Variants in GPR158 observed in about 807,000 individuals in gnomAD.
GPR158 encodes the protein metabotropic glycine receptor.
In GPR158, 30 loss-of-function variants were observed where a neutral mutation model predicts 78.2. The ratio of observed to expected loss-of-function variants is 0.38; its 90% CI spans 0.29 to 0.52. GPR158 has a LOEUF of 0.52. Among genes scored for constraint, GPR158 ranks in the 20% least tolerant of loss-of-function variants. The pLI, the probability that GPR158 is intolerant of heterozygous loss-of-function variation, is 0.83. For synonymous variants in GPR158, 581 were observed against 591.1 expected (o/e 0.98, Z 0.25); for missense variants, 1,463 against 1,523.5 (o/e 0.96, Z 0.66).
chr10:25,336,478 C>T (rs575862271), intron 2 of GPR158, among the ~76,000 whole-genome samples: 13 of 152,000 alleles, frequency 8.6e-5, no homozygotes, highest in African/African-American at 2.9e-4. Context: ...TATCTACTTT[C>T]CCCCCAGTGC....
intron 5 of GPR158, among the ~76,000 whole-genome samples, chr10:25,503,456 T>A (rs549723698): frequency 6.6e-6 from 1 of 152,276 alleles, no homozygotes; most frequent in Admixed American, 6.5e-5. Context: ...CTTTGCCTTG[T>A]AACAGATTCT....
chr10:25,348,953 A>G (rs1471697556), intron 2 of GPR158, among the ~76,000 whole-genome samples: 2 of 151,916 alleles, frequency 1.3e-5, no homozygotes, highest in Non-Finnish European at 2.9e-5. Context: ...TTATTATTTC[A>G]CCATTCATAA....
intron 4 of GPR158, among the ~76,000 whole-genome samples, chr10:25,438,792 T>G (rs1835031547): frequency 6.6e-6 from 1 of 152,238 alleles, no homozygotes; most frequent in African/African-American, 2.4e-5. Flanking sequence ...CCAATCCTAG[T>G]TAAAACTGAA....
rs776105443 is a variant in GPR158, at chr10:25,433,690, C to CTTTTTTT, written c.1335+21220_1335+21221insTTTTTTT. On this transcript the variant is annotated intron_variant, in intron 4 of 10. Transcript: ENST00000376351. ...GGCATTTTCCTTTCTTTCTTTCTTT[C>CTTTTTTT]TTTCTTTTTTTTTTTTTTTTTGGTA... Among the ~76,000 whole-genome samples the CTTTTTTT allele has an allele frequency of 3.0e-3, 281 of 93,054 alleles. 2 individuals carry two copies. The highest frequency in any genetic ancestry group is 8.6e-3 in the Middle Eastern group (1 of 116). 61.0% of individuals were successfully genotyped at this position (93,054 alleles called of 152,430 possible).
intron 2 of GPR158, among the ~76,000 whole-genome samples, chr10:25,287,617 C>G (rs1854371296): frequency 6.6e-6 from 1 of 152,100 alleles, no homozygotes; most frequent in Non-Finnish European, 1.5e-5. Context: ...TAACCTTTAC[C>G]AATTTACTTA....
At chr10:25,214,120 G>A (rs927743437) in intron 1 of GPR158, among the ~76,000 whole-genome samples, 7 of 151,840 alleles carry the variant, frequency 4.6e-5, no homozygotes, top group African/African-American at 7.3e-5. Flanking sequence ...TCAGCTTCCC[G>A]AGTAGCTGGG....
chr10:25,485,612 T>C (rs1026232115), intron 5 of GPR158, among the ~76,000 whole-genome samples: 1 of 152,164 alleles, frequency 6.6e-6, no homozygotes, highest in Non-Finnish European at 1.5e-5. Context: ...ATGAATAGCT[T>C]CATGTTACAG....
chr10:25,317,777 G>A (rs557288301), intron 2 of GPR158, among the ~76,000 whole-genome samples: 24 of 146,506 alleles, frequency 1.6e-4, no homozygotes, highest in Admixed American at 2.7e-4. Flanking sequence ...CACCCAGGCT[G>A]GAGTGCAATG....
chr10:25,465,005 T>G (rs372120156), intron 4 of GPR158, among the ~76,000 whole-genome samples: 1 of 152,150 alleles, frequency 6.6e-6, no homozygotes, highest in East Asian at 1.9e-4. Flanking sequence ...GTTTCTCTAT[T>G]CCCAAATTCT....
chr10:25,483,007 A>C (rs947054297), intron 5 of GPR158, among the ~76,000 whole-genome samples: 20 of 151,942 alleles, frequency 1.3e-4, no homozygotes, highest in African/African-American at 4.8e-4. Flanking sequence ...TAACCATTTC[A>C]TATTACTTTC....
intron 2 of GPR158, among the ~76,000 whole-genome samples, chr10:25,272,184 G>A (rs571106138): frequency 1.3e-5 from 2 of 152,288 alleles, no homozygotes; most frequent in South Asian, 2.1e-4. Context: ...TGGTATTAAT[G>A]TAATTCAGTA....
At chr10:25,401,085 T>G (rs928972460) in intron 3 of GPR158, among the ~76,000 whole-genome samples, 1 of 152,132 alleles carries the variant, frequency 6.6e-6, no homozygotes, top group Non-Finnish European at 1.5e-5. Flanking sequence ...TTGCTTTGCT[T>G]GAGTCTCACA....
At chr10:25,542,701 A>G (rs1269408116) in intron 5 of GPR158, among the ~76,000 whole-genome samples, 3 of 151,526 alleles carry the variant, frequency 2.0e-5, no homozygotes, top group East Asian at 3.9e-4. Flanking sequence ...GTGGGCACCT[A>G]TAATCCTGGC....
intron 2 of GPR158, among the ~76,000 whole-genome samples, chr10:25,227,386 C>A (rs1305151704): frequency 6.6e-6 from 1 of 152,196 alleles, no homozygotes; most frequent in East Asian, 1.9e-4. Flanking sequence ...AAATACAATA[C>A]ATCTTTCCCT....
chr10:25,284,336 T>C (rs1854317370), intron 2 of GPR158, among the ~76,000 whole-genome samples: 1 of 152,068 alleles, frequency 6.6e-6, no homozygotes, highest in Non-Finnish European at 1.5e-5. Context: ...TTTTTATGTC[T>C]TTTTGGGGAA....
chr10:25,569,231 AC>A (rs753281004), intron 6 of GPR158, among the ~76,000 whole-genome samples: 2 of 152,020 alleles, frequency 1.3e-5, no homozygotes, highest in African/African-American at 2.4e-5. Flanking sequence ...TACAATAAAT[AC>A]CCAAAGGGCC....
chr10:25,589,554 A>G (rs1239576969), intron 8 of GPR158, among the ~76,000 whole-genome samples: 1 of 152,216 alleles, frequency 6.6e-6, no homozygotes, highest in Non-Finnish European at 1.5e-5. Flanking sequence ...CAAAATCTCA[A>G]TAGACATATA....
At chr10:25,366,026 A>G (rs1207694177) in intron 2 of GPR158, among the ~76,000 whole-genome samples, 1 of 151,756 alleles carries the variant, frequency 6.6e-6, no homozygotes, top group Non-Finnish European at 1.5e-5. Context: ...TGATTAAAAG[A>G]TACATCCATC....
intron 1 of GPR158, among the ~76,000 whole-genome samples, chr10:25,178,914 C>G (rs983111813): frequency 1.3e-5 from 2 of 152,208 alleles, no homozygotes; most frequent in Non-Finnish European, 2.9e-5. Context: ...CTGGTTTATC[C>G]TATACTTGAT....
Sources: allele counts gnomAD v4.1 joint callset (sites outside exome capture counted in the v4.1 genomes callset), GRCh38; gene constraint gnomAD v4.1.1; transcripts MANE v1.5; gene names NCBI Gene and HGNC (gene_info 2026-07-23, HGNC 2026-07-21).